The following DGKB variants were observed in gnomAD, a reference collection of about 807,000 sequenced individuals.
DGKB encodes the protein 90 kDa diacylglycerol kinase.
Under a neutral mutation model 114.3 loss-of-function variants are expected in DGKB, and 67 were observed. The ratio of observed to expected loss-of-function variants is 0.59; its 90% confidence interval spans 0.48 to 0.72. DGKB has a LOEUF of 0.72. Ranked by LOEUF, DGKB falls within the 30% of genes least tolerant of loss-of-function variation. The probability of loss-of-function intolerance (pLI) is 0.00; values close to 1 mark genes in which losing one functional copy is unlikely to be tolerated. For missense variants in DGKB, 907 were observed against 975.2 expected (o/e 0.93, Z 0.93); for synonymous variants, 398 against 323.1 (o/e 1.23, Z -2.49).
At chr7:14,243,221 C>T (rs1477920630) in intron 23 of DGKB, among the ~76,000 whole-genome samples, 1 of 151,984 alleles carries the variant, frequency 6.6e-6, no homozygotes, top group Non-Finnish European at 1.5e-5. Context: ...ATAAATGTTG[C>T]CAAAACTATG....
chr7:14,908,138 G>A (rs1017392885), upstream of DGKB, among the ~76,000 whole-genome samples: 5 of 152,096 alleles, frequency 3.3e-5, no homozygotes, highest in Non-Finnish European at 5.9e-5. Context: ...AAATGTCCAC[G>A]TTTTATACTG....
At chr7:14,849,700 A>C (rs1380102074) in intron 1 of DGKB, among the ~76,000 whole-genome samples, 1 of 152,166 alleles carries the variant, frequency 6.6e-6, no homozygotes, top group Non-Finnish European at 1.5e-5. Context: ...AGGTGGAGTA[A>C]TAAATTACCT....
At chr7:14,289,790 A>G (rs1183470364) in intron 23 of DGKB, among the ~76,000 whole-genome samples, 1 of 150,290 alleles carries the variant, frequency 6.7e-6, no homozygotes, top group Non-Finnish European at 1.5e-5. Context: ...AAGCAATTCT[A>G]TGGGGGTAAA....
At chr7:14,163,091 A>T (rs1306674618) in intron 25 of DGKB, among the ~76,000 whole-genome samples, 2 of 152,174 alleles carry the variant, frequency 1.3e-5, no homozygotes, top group Admixed American at 6.6e-5. Context: ...GGTGTTACAG[A>T]TCCAGCAATG....
chr7:14,152,317 AAGG>A (rs1178458455), intron 25 of DGKB, among the ~76,000 whole-genome samples: 1 of 152,070 alleles, frequency 6.6e-6, no homozygotes, highest in Non-Finnish European at 1.5e-5. Flanking sequence ...GGCTGTGAAC[AAGG>A]CATTTTGCAA....
At chr7:14,752,140 A>G (rs1487301495) in intron 4 of DGKB, among the ~76,000 whole-genome samples, 3 of 152,134 alleles carry the variant, frequency 2.0e-5, no homozygotes, top group Admixed American at 1.3e-4. Context: ...TTTCTCTGTT[A>G]TACTTTCCTT....
intron 2 of DGKB, among the ~76,000 whole-genome samples, chr7:14,834,452 A>G (rs1846864071): frequency 6.6e-6 from 1 of 152,172 alleles, no homozygotes; most frequent in Non-Finnish European, 1.5e-5. Context: ...AAATATGGTC[A>G]TGTGAATTGC....
intron 20 of DGKB, among the ~76,000 whole-genome samples, chr7:14,571,045 A>T (rs548991305): frequency 6.6e-6 from 1 of 152,262 alleles, no homozygotes; most frequent in South Asian, 2.1e-4. Context: ...TAGCAAAAAA[A>T]CCCTGCTTTA....
intron 9 of DGKB, among the ~76,000 whole-genome samples, chr7:14,691,571 C>A (rs1822869713): frequency 6.6e-6 from 1 of 152,022 alleles, no homozygotes. Flanking sequence ...ATTACCATGC[C>A]TTAGAATTCA....
At chr7:14,659,629 T>G (rs537173323) in intron 13 of DGKB, among the ~76,000 whole-genome samples, 9 of 148,010 alleles carry the variant, frequency 6.1e-5, no homozygotes, top group Admixed American at 1.4e-4. Context: ...AAGGAGATTT[T>G]GGGCTGAGAC....
At chr7:14,578,760 C>T (rs892024617) in intron 19 of DGKB, among the ~76,000 whole-genome samples, 2 of 152,172 alleles carry the variant, frequency 1.3e-5, no homozygotes, top group African/African-American at 4.8e-5. Context: ...AGTTTATTTT[C>T]TACCCCCAAA....
intron 1 of DGKB, among the ~76,000 whole-genome samples, chr7:14,878,113 T>C (rs1398521945): frequency 6.7e-6 from 1 of 148,466 alleles, no homozygotes; most frequent in East Asian, 2.0e-4. Context: ...CATAAACAAA[T>C]AGAGCCTGTC....
At chr7:14,942,439 T>A (rs909062616) in intron 1 of DGKB, among the ~76,000 whole-genome samples, 2 of 151,958 alleles carry the variant, frequency 1.3e-5, no homozygotes, top group African/African-American at 4.8e-5. Flanking sequence ...ATTATTAATA[T>A]TAATCGCTTA....
intron 2 of DGKB, among the ~76,000 whole-genome samples, chr7:14,833,724 A>G (rs927334213): frequency 2.0e-5 from 3 of 152,132 alleles, no homozygotes; most frequent in African/African-American, 7.2e-5. Flanking sequence ...AAATATGTCT[A>G]TACACCAACA....
chr7:14,325,430 A>G (rs1158694759), intron 23 of DGKB, among the ~76,000 whole-genome samples: 1 of 152,204 alleles, frequency 6.6e-6, no homozygotes, highest in Non-Finnish European at 1.5e-5. Flanking sequence ...CATGAAGAAG[A>G]AAGCAACAAA....
chr7:14,973,003 T>C (rs527412752), intron 1 of DGKB, among the ~76,000 whole-genome samples: 92 of 152,144 alleles, frequency 6.0e-4, no homozygotes, highest in South Asian at 1.0e-3. Flanking sequence ...GTTAGATGGA[T>C]GGTTTGGAAC....
intron 13 of DGKB, among the ~76,000 whole-genome samples, chr7:14,655,853 A>C (rs528439131): frequency 6.6e-6 from 1 of 151,798 alleles, no homozygotes; most frequent in African/African-American, 2.4e-5. Flanking sequence ...AAAGGGTAGA[A>C]TTGTGGTTTT....
chr7:14,683,237 C>T (rs950428726), intron 10 of DGKB, among the ~76,000 whole-genome samples: 3 of 152,080 alleles, frequency 2.0e-5, no homozygotes, highest in African/African-American at 4.8e-5. Flanking sequence ...GAGCAGCTGG[C>T]GGGTATGGGA....
At chr7:14,166,710 C>T (rs1784657069) in intron 25 of DGKB, among the ~76,000 whole-genome samples, 1 of 151,948 alleles carries the variant, frequency 6.6e-6, no homozygotes, top group Non-Finnish European at 1.5e-5. Context: ...AAGACCAGAA[C>T]ATGAAGTGCC....
Sources: allele counts gnomAD v4.1 joint callset (sites outside exome capture counted in the v4.1 genomes callset), GRCh38; gene constraint gnomAD v4.1.1; transcripts MANE v1.5; gene names NCBI Gene and HGNC (gene_info 2026-07-23, HGNC 2026-07-21).